Variants in TRHDE observed in about 807,000 individuals in gnomAD.
TRHDE encodes the protein thyrotropin releasing hormone degrading enzyme.
A neutral mutation model predicts 125.7 loss-of-function variants in TRHDE; 72 were observed. The observed-to-expected ratio is 0.57, with a 90% CI of 0.47 to 0.70. The LOEUF is 0.70. Among genes scored for constraint, TRHDE ranks in the 30% least tolerant of loss-of-function variants. The pLI is 0.00. For synonymous variants in TRHDE, 509 were observed against 509.1 expected, an observed-to-expected ratio of 1.00 and a Z score of 0.00; for missense variants, 1,110 against 1,327.1, an observed-to-expected ratio of 0.84 and a Z score of 2.54.
chr12:72,575,246 T>A lies in TRHDE; in HGVS notation c.2132-9T>A. 1 of 1,609,936 alleles carries A rather than the reference T, an allele frequency of 6.2e-7. No individual in the cohort carries two copies. Among genetic ancestry groups the A allele is most frequent in the Non-Finnish European group, 8.5e-7 (1 of 1,178,848 alleles). The stretch of plus-strand genomic sequence containing the variant: ...AGTTTGAAATCTATCCCAAAAATGC[T>A]TTTTTCAGAGCACCACAGAATAACT... On this transcript the variant is annotated splice_polypyrimidine_tract_variant and intron_variant, in intron 10 of 18. Coordinates refer to ENST00000261180, the MANE Select transcript of TRHDE (RefSeq NM_013381.3).
In TRHDE at chr12:72,668,498, C is replaced by T. The variant is rs1875174758; in HGVS notation, c.*5303C>T. ...GGGATAGTATTTTGAAGATGTTTAT[C>T]TTTTGTACATTCCTAGTTCATTTAT... On this transcript the variant is annotated 3_prime_UTR_variant, in exon 19 of 19. Transcript: ENST00000261180. The T allele has an allele frequency of 1.3e-5, 2 of 151,622 alleles. No homozygotes were observed. Among genetic ancestry groups the T allele is most frequent in the Non-Finnish European group, 3.0e-5 (2 of 67,772 alleles). 9.4% of individuals were successfully genotyped at this position (151,622 alleles called of 1,614,324 possible). A position where few individuals can be genotyped will look rare whatever the true frequency, so the allele number is the denominator to read the frequency against.
chr12:72,628,337 A>G (rs562628712), intron 15 of TRHDE, among the ~76,000 whole-genome samples: 2 of 151,952 alleles, frequency 1.3e-5, no homozygotes, highest in East Asian at 3.9e-4. Context: ...TCTACAGGAG[A>G]GATGCACATT....
intron 3 of TRHDE, among the ~76,000 whole-genome samples, chr12:72,447,318 T>A (rs1251367321): frequency 6.6e-6 from 1 of 152,108 alleles, no homozygotes; most frequent in Admixed American, 6.6e-5. Flanking sequence ...TGGAAACCAA[T>A]GAGAACAAAG....
At chr12:72,209,558 T>G (rs1877733576) in intron 2 of TRHDE, among the ~76,000 whole-genome samples, 2 of 152,174 alleles carry the variant, frequency 1.3e-5, no homozygotes. Context: ...ACAAATTAAT[T>G]TAACTGTTGG....
At chr12:72,312,717 T>C (rs1300667349) in intron 2 of TRHDE, among the ~76,000 whole-genome samples, 1 of 152,164 alleles carries the variant, frequency 6.6e-6, no homozygotes, top group East Asian at 1.9e-4. Flanking sequence ...ACAAAGGTTA[T>C]AGTTCCACTT....
intron 1 of TRHDE, among the ~76,000 whole-genome samples, chr12:72,095,900 G>T (rs918125995): frequency 6.6e-6 from 1 of 152,138 alleles, no homozygotes; most frequent in Admixed American, 6.6e-5. Context: ...AAAGCAGATT[G>T]CCCTCTATAA....
chr12:72,374,406 G>A (rs1871779690), intron 2 of TRHDE, among the ~76,000 whole-genome samples: 4 of 151,794 alleles, frequency 2.6e-5, no homozygotes, highest in African/African-American at 9.7e-5. Context: ...ATGTCAGGTG[G>A]ACAGTTGAAT....
intron 2 of TRHDE, among the ~76,000 whole-genome samples, chr12:72,206,399 A>ATTAT (rs1795202338): frequency 6.6e-6 from 1 of 152,132 alleles, no homozygotes; most frequent in Non-Finnish European, 1.5e-5. Flanking sequence ...AGCAGGACTG[A>ATTAT]TTGTTATTTA....
At chr12:72,274,288 A>G (rs1005525683) in intron 1 of TRHDE, among the ~76,000 whole-genome samples, 1 of 152,206 alleles carries the variant, frequency 6.6e-6, no homozygotes, top group Non-Finnish European at 1.5e-5. Context: ...TCTGGAGATG[A>G]TTCCAGTGGC....
At chr12:72,574,900 C>T (rs1381796284) in intron 10 of TRHDE, among the ~76,000 whole-genome samples, 1 of 152,046 alleles carries the variant, frequency 6.6e-6, no homozygotes, top group Admixed American at 6.6e-5. Context: ...CCTCTTCTTT[C>T]ATTCTAGTGT....
intron 2 of TRHDE, among the ~76,000 whole-genome samples, chr12:72,172,668 A>G (rs2139336261): frequency 6.6e-6 from 1 of 152,292 alleles, no homozygotes; most frequent in African/African-American, 2.4e-5. Flanking sequence ...GACATGGAGT[A>G]GAACCAAACC....
chr12:72,200,880 C>A (rs1014504014), intron 2 of TRHDE, among the ~76,000 whole-genome samples: 1 of 152,142 alleles, frequency 6.6e-6, no homozygotes, highest in Non-Finnish European at 1.5e-5. Flanking sequence ...AAAGGCAGGG[C>A]ACCTAAACCA....
At chr12:72,374,053 A>G (rs551277241) in intron 2 of TRHDE, among the ~76,000 whole-genome samples, 1 of 152,286 alleles carries the variant, frequency 6.6e-6, no homozygotes, top group African/African-American at 2.4e-5. Flanking sequence ...TAAAGCAGTC[A>G]TTCAGGCAAG....
intron 6 of TRHDE, among the ~76,000 whole-genome samples, chr12:72,534,201 G>A (rs145043317): frequency 9.1e-4 from 138 of 152,314 alleles, no homozygotes; most frequent in African/African-American, 3.2e-3. Flanking sequence ...GGAGATTAAT[G>A]TAGTTAAATG....
intron 2 of TRHDE, among the ~76,000 whole-genome samples, chr12:72,312,641 C>T (rs918145115): frequency 5.3e-5 from 8 of 152,090 alleles, no homozygotes; most frequent in Admixed American, 4.6e-4. Flanking sequence ...ACACATTTTC[C>T]GGGAGGTCAC....
At chr12:72,187,202 T>G (rs1219516385) in intron 2 of TRHDE, among the ~76,000 whole-genome samples, 1 of 152,150 alleles carries the variant, frequency 6.6e-6, no homozygotes, top group African/African-American at 2.4e-5. Flanking sequence ...CTTGTGATTA[T>G]GTTATGAAGT....
At chr12:72,459,075 C>G (rs1876005255) in intron 3 of TRHDE, among the ~76,000 whole-genome samples, 1 of 152,134 alleles carries the variant, frequency 6.6e-6, no homozygotes, top group Admixed American at 6.5e-5. Context: ...ATTTTCTGAA[C>G]TATTCCAGTT....
At chr12:72,277,831 A>G (rs867088113) in intron 1 of TRHDE, among the ~76,000 whole-genome samples, 64 of 152,280 alleles carry the variant, frequency 4.2e-4, no homozygotes, top group African/African-American at 1.1e-3. Context: ...AAATTAATTG[A>G]CATAAAATTG....
intron 2 of TRHDE, among the ~76,000 whole-genome samples, chr12:72,113,407 T>C (rs1033998906): frequency 1.3e-5 from 2 of 150,302 alleles, no homozygotes; most frequent in African/African-American, 2.4e-5. Flanking sequence ...CATAGATCAC[T>C]TGAGGTCAGG....
Sources: allele counts gnomAD v4.1 joint callset (sites outside exome capture counted in the v4.1 genomes callset), GRCh38; gene constraint gnomAD v4.1.1; transcripts MANE v1.5; gene names NCBI Gene and HGNC (gene_info 2026-07-23, HGNC 2026-07-21).